Variants in POLR3B observed in about 807,000 individuals in gnomAD.
POLR3B encodes RNA polymerase III subunit B.
A neutral mutation model predicts 147.4 loss-of-function variants in POLR3B; 96 were observed. The observed-to-expected ratio is 0.65, with a 90% confidence interval of 0.55 to 0.77. POLR3B has a LOEUF of 0.77. Ranked by LOEUF, POLR3B falls within the 30% of genes least tolerant of loss-of-function variation. POLR3B has a pLI of 0.00. For missense variants in POLR3B, 1,036 were observed against 1,413.5 expected (o/e 0.73, Z 4.28); for synonymous variants, 461 against 485.9 (o/e 0.95, Z 0.67).
chr12:106,446,003 G>C (rs1190609116), intron 19 of POLR3B, among the ~76,000 whole-genome samples: 2 of 152,236 alleles, frequency 1.3e-5, no homozygotes, highest in Non-Finnish European at 1.5e-5. Flanking sequence ...AGCCTGGACA[G>C]TTGAGAATAA....
chr12:106,449,202 G>A (rs10861608), intron 19 of POLR3B, among the ~76,000 whole-genome samples: 37,253 of 152,092 alleles, frequency 0.24, 5,072 homozygotes, highest in African/African-American at 0.36. Flanking sequence ...TAATTTATAC[G>A]ATATTTTTAA....
intron 1 of POLR3B, 72 bp from the exon 2 acceptor site, chr12:106,363,798 A>G (rs1438420255): frequency 8.7e-7 from 1 of 1,144,422 alleles, no homozygotes; most frequent in East Asian, 2.3e-5. Context: ...CTTATTTTGG[A>G]ACATTAAAAT....
intron 11 of POLR3B, among the ~76,000 whole-genome samples, chr12:106,409,363 TTTTTTTTTC>T (rs2037192459): frequency 5.5e-5 from 8 of 145,684 alleles, no homozygotes; most frequent in African/African-American, 2.6e-5. Flanking sequence ...TTGTTTTTTT[TTTTTTTTTC>T]TTGAGGATGG....
chr12:106,431,796 C>T (rs984831276), intron 14 of POLR3B, among the ~76,000 whole-genome samples: 2 of 152,164 alleles, frequency 1.3e-5, no homozygotes, highest in African/African-American at 4.8e-5. Context: ...TGTCATGTCT[C>T]CTTGTCTCTT....
In POLR3B at chr12:106,423,071, TA is replaced by T. The variant is rs370211247; in HGVS notation, c.1102-4121del. ...AAGGGTTTTTGGTAGACATTTTAAA[TA>T]AAAATATGAACATTTTCAAAAATAT... On this transcript the variant is annotated intron_variant, in intron 12 of 27. Coordinates refer to ENST00000228347, the MANE Select transcript of POLR3B (RefSeq NM_018082.6). Among the ~76,000 whole-genome samples the T allele has an allele frequency of 4.9e-4, 75 of 152,296 alleles. No homozygotes were observed. In the East Asian group the frequency reaches 0.013, roughly 26 times the overall value.
chr12:106,400,557 T>C (rs928758358), intron 10 of POLR3B, among the ~76,000 whole-genome samples: 22 of 152,272 alleles, frequency 1.4e-4, no homozygotes, highest in African/African-American at 4.3e-4. Context: ...TATTCCAAAA[T>C]TGACCACATA....
intron 23 of POLR3B, among the ~76,000 whole-genome samples, chr12:106,479,795 C>CCTTCTTTTCTTTTCTTTTCTTTTCT (rs2038239569): frequency 1.4e-5 from 1 of 70,004 alleles, no homozygotes; most frequent in South Asian, 4.4e-4. Flanking sequence ...TTCTTTCCTT[C>CCTTCTTTTCTTTTCTTTTCTTTTCT]CTTCTTTTCT....
chr12:106,475,875 TAATAGTGTTATGTGTG>T (rs1202653621), intron 23 of POLR3B, among the ~76,000 whole-genome samples: 1 of 151,664 alleles, frequency 6.6e-6, no homozygotes, highest in Non-Finnish European at 1.5e-5. Flanking sequence ...CATTTAAAGT[TAATAGTGTTATGTGTG>T]AATTTGATCC....
At chr12:106,398,307 A>G (rs1222129749) in intron 10 of POLR3B, among the ~76,000 whole-genome samples, 2 of 151,682 alleles carry the variant, frequency 1.3e-5, no homozygotes, top group East Asian at 1.9e-4. Flanking sequence ...CATTGCCGAG[A>G]CTTGATTAGG....
At chr12:106,378,212 A>G (rs2036707896) in intron 7 of POLR3B, 55 bp from the exon 8 acceptor site, 9 of 1,087,012 alleles carry the variant, frequency 8.3e-6, no homozygotes, top group Non-Finnish European at 1.3e-5. Context: ...GCCATTACTA[A>G]ATCAACACTG....
chr12:106,500,012 C>G, intron 25 of POLR3B: 5 of 447,648 alleles, frequency 1.1e-5, no homozygotes, highest in Admixed American at 4.9e-5. Context: ...CAAATCAGAC[C>G]AGTGTTGCAG....
At chr12:106,406,711 T>G (rs1295237771) in intron 11 of POLR3B, among the ~76,000 whole-genome samples, 4 of 152,226 alleles carry the variant, frequency 2.6e-5, no homozygotes, top group Admixed American at 2.6e-4. Context: ...GTAATATTTA[T>G]TTTTTATTAA....
chr12:106,381,152 G>A (rs947543212), intron 9 of POLR3B, among the ~76,000 whole-genome samples: 14 of 152,242 alleles, frequency 9.2e-5, no homozygotes, highest in Admixed American at 2.6e-4. Flanking sequence ...ACTAATCAGA[G>A]TGGTGGTTGC....
At chr12:106,452,051 TA>T (rs2037804295) in intron 19 of POLR3B, among the ~76,000 whole-genome samples, 2 of 152,170 alleles carry the variant, frequency 1.3e-5, no homozygotes, top group Admixed American at 1.3e-4. Flanking sequence ...AAAATACTAA[TA>T]GGGGAATCAA....
At chr12:106,383,381 G>A (rs2036791521) in intron 9 of POLR3B, among the ~76,000 whole-genome samples, 1 of 152,110 alleles carries the variant, frequency 6.6e-6, no homozygotes, top group Non-Finnish European at 1.5e-5. Flanking sequence ...CTAGCTTTTG[G>A]CCTGTCTCAG....
chr12:106,398,175 A>G (rs1220464608), intron 10 of POLR3B, among the ~76,000 whole-genome samples: 1 of 152,236 alleles, frequency 6.6e-6, no homozygotes, highest in Non-Finnish European at 1.5e-5. Flanking sequence ...ACGGCACACC[A>G]GGAGATTATA....
At position 106,469,320 on chromosome 12, in the gene POLR3B, C is replaced by T. The variant is rs1374702505; in HGVS notation, c.2713+5700C>T. Among the ~76,000 whole-genome samples the T allele has an allele frequency of 2.1e-4, 31 of 149,676 alleles. 1 individual carries two copies. The highest frequency in any genetic ancestry group is 7.4e-5 in the African/African-American group (3 of 40,380). On this transcript the variant is annotated intron_variant, in intron 23 of 27. Transcript: ENST00000228347. ...TTGCTTGGTAGATCTTCCTCCATCC[C>T]TTTATTTTGAGCCTATGTGTGTCTC...
chr12:106,450,268 C>T (rs908707309), intron 19 of POLR3B, among the ~76,000 whole-genome samples: 3 of 152,092 alleles, frequency 2.0e-5, no homozygotes, highest in Admixed American at 6.6e-5. Flanking sequence ...GAGCTAAAAC[C>T]GTTACTCTTG....
chr12:106,432,163 T>A (rs1000289254), intron 14 of POLR3B, among the ~76,000 whole-genome samples, 155 bp from the exon 15 acceptor site: 4 of 152,198 alleles, frequency 2.6e-5, no homozygotes, highest in African/African-American at 4.8e-5. Context: ...ATATATATAT[T>A]TTTTAAAGGC....
Sources: allele counts gnomAD v4.1 joint callset (sites outside exome capture counted in the v4.1 genomes callset), GRCh38; gene constraint gnomAD v4.1.1; transcripts MANE v1.5; gene names NCBI Gene and HGNC (gene_info 2026-07-23, HGNC 2026-07-21).